TOX: variants seen among roughly 807,000 people sequenced by gnomAD.
TOX encodes the protein thymocyte selection-associated high mobility group box protein TOX.
TOX carries 11 observed loss-of-function variants against 53.7 expected under a neutral mutation model. The ratio of observed to expected loss-of-function variants is 0.20; its 90% CI spans 0.13 to 0.34. TOX has a LOEUF of 0.34. Ranked by LOEUF, TOX falls within the 10% of genes least tolerant of loss-of-function variation. The pLI is 1.00. For synonymous variants in TOX, 225 were observed against 245.3 expected, an observed-to-expected ratio of 0.92 and a Z score of 0.77; for missense variants, 570 against 664.6, an observed-to-expected ratio of 0.86 and a Z score of 1.56.
At chr8:58,980,781 C>A (rs1366041662) in intron 1 of TOX, among the ~76,000 whole-genome samples, 3 of 152,176 alleles carry the variant, frequency 2.0e-5, no homozygotes, top group African/African-American at 7.2e-5. Context: ...AAAACTTAAA[C>A]CTTTTTTGAA....
intron 3 of TOX, among the ~76,000 whole-genome samples, chr8:58,877,663 C>T (rs1811308743): frequency 6.6e-6 from 1 of 152,206 alleles, no homozygotes; most frequent in Non-Finnish European, 1.5e-5. Flanking sequence ...AGGTTATATG[C>T]AGTCTCTTTT....
chr8:59,110,971 C>T (rs1805006336), intron 1 of TOX, among the ~76,000 whole-genome samples: 1 of 152,138 alleles, frequency 6.6e-6, no homozygotes, highest in African/African-American at 2.4e-5. Context: ...GAACATCTTT[C>T]ACCACAAGAT....
rs1004066724 is a variant in TOX at position 58,805,702 on chromosome 8, T to C, written c.*2045A>G. 3.3e-5 allele frequency: 5 copies of C among 152,656 alleles called. No individual in the cohort carries two copies. The highest frequency in any genetic ancestry group is 2.1e-4 in the South Asian group (1 of 4,834). The allele number at this position is 152,656 out of a possible 1,614,324, so 9.5% of individuals were successfully genotyped here. A position where few individuals can be genotyped will look rare whatever the true frequency, so the allele number is the denominator to read the frequency against. On this transcript the variant is annotated 3_prime_UTR_variant, in exon 9 of 9. Coordinates refer to ENST00000361421, the MANE Select transcript of TOX (RefSeq NM_014729.3). Reference sequence around the variant, plus strand: ...GACATTAGTTAATTAGTAGTGCTGGTATATTTCTAAAATACTAAACAGACA... The same window carrying C: ...GACATTAGTTAATTAGTAGTGCTGGCATATTTCTAAAATACTAAACAGACA...
chr8:58,984,290 TA>T (rs1440055015), intron 1 of TOX, among the ~76,000 whole-genome samples: 1 of 152,178 alleles, frequency 6.6e-6, no homozygotes, highest in Non-Finnish European at 1.5e-5. Flanking sequence ...ATATTCAGGA[TA>T]TATAAAGAAA....
chr8:59,006,069 T>A (rs1813787337), intron 1 of TOX, among the ~76,000 whole-genome samples: 1 of 152,252 alleles, frequency 6.6e-6, no homozygotes, highest in Non-Finnish European at 1.5e-5. Context: ...GGATAGGTTT[T>A]ATATAGATGT....
chr8:58,851,442 GA>G lies in TOX; in HGVS notation c.693+81del. On this transcript the variant is annotated intron_variant, in intron 4 of 8. Transcript: ENST00000361421. This position sits in a 1 kb window ranked among gnomAD's most constrained non-coding sequence, Gnocchi z 4.4. ...TCCCTCCAATGTTTCTCGCATGGATGATATAAACTTGTACCCAGCACAGGTC... is the reference window on the plus strand; with the variant it reads ...TCCCTCCAATGTTTCTCGCATGGATGTATAAACTTGTACCCAGCACAGGTC... 1 of 1,474,024 alleles carries G rather than the reference GA, an allele frequency of 6.8e-7. No homozygotes were observed. Among genetic ancestry groups the G allele is most frequent in the South Asian group, 1.3e-5 (1 of 79,608 alleles). 91.3% of individuals were successfully genotyped at this position (1,474,024 alleles called of 1,614,324 possible).
At chr8:58,904,127 C>G (rs549572556) in intron 3 of TOX, among the ~76,000 whole-genome samples, 3 of 152,162 alleles carry the variant, frequency 2.0e-5, no homozygotes, top group African/African-American at 7.2e-5. Flanking sequence ...TTCAAATACA[C>G]TTATTTGAAT....
At chr8:59,069,089 C>T (rs1382347824) in intron 1 of TOX, among the ~76,000 whole-genome samples, 2 of 152,182 alleles carry the variant, frequency 1.3e-5, no homozygotes, top group Admixed American at 1.3e-4. Flanking sequence ...GACAGCAGTG[C>T]TGCAAGCCTT....
In TOX at chr8:58,874,900, C is replaced by G. The variant is rs144078434; in HGVS notation, c.412-23095G>C. Among the ~76,000 whole-genome samples, 677 of 152,282 alleles carry G rather than the reference C, an allele frequency of 4.4e-3. 2 individuals are homozygous for G. Among genetic ancestry groups the G allele is most frequent in the Non-Finnish European group, 6.5e-3 (440 of 68,010 alleles). On this transcript the variant is annotated intron_variant, in intron 3 of 8. Coordinates refer to ENST00000361421, the MANE Select transcript of TOX (RefSeq NM_014729.3). Reference sequence around the variant, plus strand: ...AATGACACTAATGAGCGCTGATGAGCTAAAATACTGCCAAAAATCTCAAGT... The same window carrying G: ...AATGACACTAATGAGCGCTGATGAGGTAAAATACTGCCAAAAATCTCAAGT...
intron 3 of TOX, among the ~76,000 whole-genome samples, chr8:58,856,042 A>AGAG (rs1810909707): frequency 6.6e-6 from 1 of 152,242 alleles, no homozygotes; most frequent in South Asian, 2.1e-4. Context: ...AAGCCCACAG[A>AGAG]GAGGTTAAAT....
In TOX at chr8:58,817,468, A is replaced by T. The variant is rs545871552; in HGVS notation, c.1006-1744T>A. ...CTTATTGTTGATGTGCAAAATAGTT[A>T]ACAATTCAAGGAAAAGGTCAAATGG... On this transcript the variant is annotated intron_variant, in intron 6 of 8. Transcript: ENST00000361421. Among the ~76,000 whole-genome samples, 368 of 152,270 alleles carry T rather than the reference A, an allele frequency of 2.4e-3. 11 individuals carry two copies. Among genetic ancestry groups the T allele is most frequent in the Admixed American group, 0.023 (355 of 15,292 alleles).
At chr8:58,926,157 A>G (rs1166901501) in intron 3 of TOX, among the ~76,000 whole-genome samples, 1 of 152,212 alleles carries the variant, frequency 6.6e-6, no homozygotes, top group Non-Finnish European at 1.5e-5. Context: ...TGCCCAGCAC[A>G]GAGAGTGGCT....
At chr8:58,864,803 T>G (rs10504265) in intron 3 of TOX, among the ~76,000 whole-genome samples, 27,227 of 152,218 alleles carry the variant, frequency 0.18, 2,752 homozygotes, top group South Asian at 0.23. Flanking sequence ...GATCATGGCT[T>G]AATTATGTGA....
At chr8:58,933,936 G>A (rs1357147355) in intron 3 of TOX, among the ~76,000 whole-genome samples, 1 of 152,190 alleles carries the variant, frequency 6.6e-6, no homozygotes. Context: ...AGAGGGTTCA[G>A]TGACTTGCCC....
chr8:58,813,744 T>C (rs1396706470), intron 7 of TOX, among the ~76,000 whole-genome samples: 2 of 152,240 alleles, frequency 1.3e-5, no homozygotes, highest in Non-Finnish European at 2.9e-5. Flanking sequence ...ACAGTATCTT[T>C]GGCTTAGGGA....
At chr8:58,899,768 G>T (rs1228741141) in intron 3 of TOX, among the ~76,000 whole-genome samples, 1 of 152,114 alleles carries the variant, frequency 6.6e-6, no homozygotes, top group Non-Finnish European at 1.5e-5. Flanking sequence ...TCAGATTAGG[G>T]ATATTCAACA....
intron 3 of TOX, among the ~76,000 whole-genome samples, chr8:58,901,432 T>C (rs987538642): frequency 6.6e-6 from 1 of 152,174 alleles, no homozygotes; most frequent in African/African-American, 2.4e-5. Flanking sequence ...CTGAGAACAT[T>C]AAGGTGAAGA....
intron 1 of TOX, among the ~76,000 whole-genome samples, chr8:58,998,524 TATATATATATATATAA>T (rs1813614374): frequency 6.8e-5 from 1 of 14,792 alleles, no homozygotes; most frequent in African/African-American, 1.8e-4. Context: ...TATATATATA[TATATATATATATATAA>T]ATTTATATAT....
chr8:58,941,961 G>A (rs1448202430), intron 2 of TOX, among the ~76,000 whole-genome samples: 3 of 151,536 alleles, frequency 2.0e-5, no homozygotes, highest in African/African-American at 4.9e-5. Context: ...GCTGAGGCAG[G>A]AGAATTACTT....
Sources: gnomAD v4.1 joint callset for allele counts (sites outside exome capture counted in the v4.1 genomes callset) on GRCh38, gnomAD v4.1.1 for gene constraint, Gnocchi (gnomAD v3.1) non-coding constraint, MANE v1.5 for transcripts, NCBI Gene and HGNC (gene_info 2026-07-23, HGNC 2026-07-21) for gene names.